ZNF696: variants seen among roughly 807,000 people sequenced by gnomAD.
ZNF696 encodes zinc finger protein 696.
In ZNF696, 10 loss-of-function variants were observed where a neutral mutation model predicts 12.3. The observed-to-expected ratio is 0.81, with a 90% CI of 0.50 to 1.38. The LOEUF is 1.38. Ranked by LOEUF, ZNF696 falls within the 40% of genes most tolerant of loss-of-function variation. ZNF696 has a pLI of 0.00. For synonymous variants in ZNF696, 304 were observed against 243.9 expected, an observed-to-expected ratio of 1.25 and a Z score of -2.29; for missense variants, 675 against 554.7, an observed-to-expected ratio of 1.22 and a Z score of -2.18.
chr8:143,296,518 C>G lies in ZNF696; in HGVS notation c.843C>G (p.Leu281=). Residue 281 remains leucine, a synonymous_variant, in exon 3 of 3, where the codon CTC becomes CTG. Coordinates refer to ENST00000330143, the MANE Select transcript of ZNF696 (RefSeq NM_030895.3). ...CCTTCAGCCAGAGCTCCAACCTCCTCCAGCACCAGCGCGTGCACACGGGGG... is the reference window on the plus strand; with the variant it reads ...CCTTCAGCCAGAGCTCCAACCTCCTGCAGCACCAGCGCGTGCACACGGGGG... ...GQAFSQSSNL[L]QHQRVHTGER... The G allele has an allele frequency of 6.2e-7, 1 of 1,607,346 alleles. No homozygotes were observed. The highest frequency in any genetic ancestry group is 8.5e-7 in the Non-Finnish European group (1 of 1,179,202).
chr8:143,296,722 C>A lies in ZNF696; in HGVS notation c.1047C>A (p.Phe349Leu). ...HQRLHTGEKP[F>L]RCTECGRAFR... The stretch of plus-strand genomic sequence containing the variant: ...GACTCCACACGGGCGAGAAGCCGTT[C>A]CGCTGCACCGAGTGCGGCCGCGCCT... The change falls in exon 3 of 3, where the codon TTC (phenylalanine) becomes TTA (leucine). Residue 349 changes from phenylalanine (F) to leucine (L), a missense_variant. Physicochemically the swap from Phe to Leu is conservative, Grantham distance 22 (BLOSUM62 0). Coordinates refer to ENST00000330143, the MANE Select transcript of ZNF696 (RefSeq NM_030895.3). The A allele has an allele frequency of 6.5e-7, 1 of 1,539,642 alleles. No homozygotes were observed. The highest frequency in any genetic ancestry group is 1.2e-5 in the South Asian group (1 of 82,920).
At position 143,298,358 on chromosome 8, in the gene ZNF696, G is replaced by T. The variant is rs56730466; in HGVS notation, c.*1558G>T. ...CAGGGGTGGTCTCAGAATGGATTTG[G>T]TGGCCCCACCGTTAATTAAGCTCCT... On this transcript the variant is annotated 3_prime_UTR_variant, in exon 3 of 3. Coordinates refer to ENST00000330143, the MANE Select transcript of ZNF696 (RefSeq NM_030895.3). Among the ~76,000 whole-genome samples the T allele has an allele frequency of 0.015, 2,359 of 152,238 alleles. 70 individuals are homozygous for T. The highest frequency in any genetic ancestry group is 0.053 in the African/African-American group (2,187 of 41,512).
rs1413968388 is a variant in ZNF696 at position 143,293,014 on chromosome 8, G to A, written c.13G>A (p.Gly5Arg). Residue 5 changes from glycine to arginine, a missense_variant, in exon 2 of 3, where the codon GGA becomes AGA. Transcript: ENST00000330143. The stretch of plus-strand genomic sequence containing the variant: ...GGTGTTCTGCAAGATGGAGCCAGGA[G>A]GAGAGCCCACAGGTGCTAAAGAGAG... The part of the protein sequence containing the change: MEPG[G>R]EPTGAKESST... The A allele has an allele frequency of 7.4e-6, 12 of 1,613,932 alleles. No individual in the cohort carries two copies. The highest frequency in any genetic ancestry group is 9.3e-6 in the Non-Finnish European group (11 of 1,180,022).
rs1326428550 is a variant in ZNF696 at position 143,298,560 on chromosome 8, G to C, written c.*1760G>C. On this transcript the variant is annotated 3_prime_UTR_variant, in exon 3 of 3. Coordinates refer to ENST00000330143, the MANE Select transcript of ZNF696 (RefSeq NM_030895.3). ...CTTGCAAAGATCCCCAAGCACACAA[G>C]GAGAGTCAGCTGACTGAGGGCCAAC... is the stretch of plus-strand genomic sequence containing the variant. Among the ~76,000 whole-genome samples, 1 of 152,108 alleles carries C rather than the reference G, an allele frequency of 6.6e-6. No homozygotes were observed. The highest frequency in any genetic ancestry group is 2.4e-5 in the African/African-American group (1 of 41,440).
intron 1 of ZNF696, chr8:143,292,037 A>C (rs1411454135): frequency 6.5e-6 from 1 of 153,680 alleles, no homozygotes; most frequent in African/African-American, 2.4e-5. Flanking sequence ...GGTTCACCCC[A>C]GCCTAGACCT....
In ZNF696 at chr8:143,296,415, T is replaced by A. The variant is rs766621028; in HGVS notation, c.740T>A (p.Leu247Gln). 6.3e-7 allele frequency: 1 copy of A among 1,598,440 alleles called. No individual in the cohort carries two copies. The highest frequency in any genetic ancestry group is 8.5e-7 in the Non-Finnish European group (1 of 1,175,844). ...TGCGGCGAGTGCGGGAAGCGCTTCC[T>A]GCACAGCTCGAACGTGGTCCGGCAC... ...YACGECGKRF[L>Q]HSSNVVRHRR... Residue 247 changes from leucine (L) to glutamine (Q), a missense_variant, in exon 3 of 3, where the codon CTG becomes CAG. Leu to Gln is a moderately radical substitution (Grantham distance 113, BLOSUM62 -2). Transcript: ENST00000330143.
At position 143,297,889 on chromosome 8, in the gene ZNF696, C is replaced by T. The variant is rs904172975; in HGVS notation, c.*1089C>T. On this transcript the variant is annotated 3_prime_UTR_variant, in exon 3 of 3. Coordinates refer to ENST00000330143, the MANE Select transcript of ZNF696 (RefSeq NM_030895.3). ...GCTTACACACATGTGATTTCAGAAG[C>T]GTTCTGTGGGTAGAGGAATCGTTTT... 1 of 151,982 alleles carries T rather than the reference C, an allele frequency of 6.6e-6. No homozygotes were observed. The allele number at this position is 151,982 out of a possible 1,614,324, so 9.4% of individuals were successfully genotyped here.
At position 143,296,736 on chromosome 8, in the gene ZNF696, G is replaced by A; in HGVS notation, c.1061G>A (p.Cys354Tyr). The A allele has an allele frequency of 1.3e-6, 2 of 1,510,326 alleles. No homozygotes were observed. Among genetic ancestry groups the A allele is most frequent in the Admixed American group, 2.2e-5 (1 of 45,634 alleles). 93.6% of individuals were successfully genotyped at this position (1,510,326 alleles called of 1,614,324 possible). A position where few individuals can be genotyped will look rare whatever the true frequency, so the allele number is the denominator to read the frequency against. The change falls in exon 3 of 3, where the codon TGC becomes TAC. Residue 354 changes from cysteine (C) to tyrosine (Y), a missense_variant. Transcript: ENST00000330143. ...TGEKPFRCTE[C>Y]GRAFRLSFHL... The stretch of plus-strand genomic sequence containing the variant: ...GAGAAGCCGTTCCGCTGCACCGAGT[G>A]CGGCCGCGCCTTCCGCCTGAGCTTC...
chr8:143,294,973 C>G (rs79170851), intron 2 of ZNF696, among the ~76,000 whole-genome samples: 4 of 152,054 alleles, frequency 2.6e-5, no homozygotes, highest in African/African-American at 9.7e-5. Context: ...CCTGGAGGTG[C>G]GCCACCTACT....
chr8:143,295,166 A>G (rs1365106399), intron 2 of ZNF696, among the ~76,000 whole-genome samples: 1 of 152,002 alleles, frequency 6.6e-6, no homozygotes, highest in African/African-American at 2.4e-5. Flanking sequence ...CTCCTGCTAC[A>G]TCTGCCTCGC....
In ZNF696 at chr8:143,296,659, C is replaced by T. The variant is rs776384920; in HGVS notation, c.984C>T (p.Arg328=). 3 of 1,575,776 alleles carry T rather than the reference C, an allele frequency of 1.9e-6. No individual in the cohort carries two copies. Among genetic ancestry groups the T allele is most frequent in the Non-Finnish European group, 2.6e-6 (3 of 1,168,972 alleles). ...CCCACCAGTGCGGCCACTGCGGGCG[C>T]GCGTTCCGGGCGCTGTCGGGCTTCT... The part of the protein sequence containing the change: ...EKPHQCGHCG[R]AFRALSGFFR... The change falls in exon 3 of 3, where the codon CGC becomes CGT. Residue 328 remains arginine, a synonymous_variant. Transcript: ENST00000330143.
rs1413579393 is a variant in ZNF696 at position 143,297,794 on chromosome 8, G to A, written c.*994G>A. Reference sequence around the variant, plus strand: ...GCTCCGGGCAATTGGTGACAGAATCGAGTTAAATTGTAGGACATCGCGTTG... The same window carrying A: ...GCTCCGGGCAATTGGTGACAGAATCAAGTTAAATTGTAGGACATCGCGTTG... On this transcript the variant is annotated 3_prime_UTR_variant, in exon 3 of 3. Transcript: ENST00000330143. The A allele has an allele frequency of 6.6e-6, 1 of 152,178 alleles. No individual in the cohort carries two copies. Among genetic ancestry groups the A allele is most frequent in the African/African-American group, 2.4e-5 (1 of 41,424 alleles). 9.4% of individuals were successfully genotyped at this position (152,178 alleles called of 1,614,324 possible).
At chr8:143,295,659 G>C in intron 2 of ZNF696, 81 bp from the exon 3 acceptor site, 1 of 1,405,924 alleles carries the variant, frequency 7.1e-7, no homozygotes. Context: ...CTGTCACTCT[G>C]TCGTCACCAC....
Position 143,296,633 on chromosome 8 carries a change from C to A in ZNF696, c.958C>A (p.Pro320Thr), listed in dbSNP as rs918221989. 2 of 1,585,322 alleles carry A rather than the reference C, an allele frequency of 1.3e-6. No homozygotes were observed. Among genetic ancestry groups the A allele is most frequent in the African/African-American group, 1.3e-5 (1 of 74,216 alleles). Residue 320 changes from proline (P) to threonine (T), a missense_variant, in exon 3 of 3, where the codon CCC becomes ACC. By Grantham distance (38) the Pro-to-Thr change is conservative. Coordinates refer to ENST00000330143, the MANE Select transcript of ZNF696 (RefSeq NM_030895.3). ...CCGCCGCATCCACACCGGGGAGAAG[C>A]CCCACCAGTGCGGCCACTGCGGGCG... ...EHRRIHTGEK[P>T]HQCGHCGRAF...
chr8:143,294,075 C>A (rs1815668113), intron 2 of ZNF696, among the ~76,000 whole-genome samples: 1 of 152,222 alleles, frequency 6.6e-6, no homozygotes, highest in Admixed American at 6.5e-5. Context: ...GCTGTGCTGG[C>A]CTCGTTGGCC....
In ZNF696 at chr8:143,297,293, C is replaced by G. The variant is rs1050869421; in HGVS notation, c.*493C>G. On this transcript the variant is annotated 3_prime_UTR_variant, in exon 3 of 3. Coordinates refer to ENST00000330143, the MANE Select transcript of ZNF696 (RefSeq NM_030895.3). The stretch of plus-strand genomic sequence containing the variant: ...CGTACCTTGCGGGTCGGTGGTTCAT[C>G]CATGTATTTCAACGCCTTTTCACAG... 6.4e-6 allele frequency: 1 copy of G among 156,674 alleles called. No individual in the cohort carries two copies. The highest frequency in any genetic ancestry group is 1.4e-5 in the Non-Finnish European group (1 of 71,350). 9.7% of individuals were successfully genotyped at this position (156,674 alleles called of 1,614,324 possible).
rs534732839 is a variant in ZNF696, at chr8:143,297,472, A to C, written c.*672A>C. ...AGACCATCCTGGCCAACATGGCAAA[A>C]CCCCCATCTCGACTAAAAATACAAA... On this transcript the variant is annotated 3_prime_UTR_variant, in exon 3 of 3. Coordinates refer to ENST00000330143, the MANE Select transcript of ZNF696 (RefSeq NM_030895.3). 3 of 152,190 alleles carry C rather than the reference A, an allele frequency of 2.0e-5. No individual in the cohort carries two copies. Among genetic ancestry groups the C allele is most frequent in the African/African-American group, 4.8e-5 (2 of 41,504 alleles). 9.4% of individuals were successfully genotyped at this position (152,190 alleles called of 1,614,324 possible). A position where few individuals can be genotyped will look rare whatever the true frequency, so the allele number is the denominator to read the frequency against.
chr8:143,293,968 G>A (rs1815666533), intron 2 of ZNF696, among the ~76,000 whole-genome samples: 1 of 151,536 alleles, frequency 6.6e-6, no homozygotes, highest in African/African-American at 2.4e-5. Context: ...CGTCTTATCT[G>A]CGCCCTCCAC....
intron 2 of ZNF696, 109 bp downstream of exon 2, chr8:143,293,174 C>T (rs1184723285): frequency 1.1e-6 from 1 of 937,020 alleles, no homozygotes; most frequent in South Asian, 1.5e-5. Context: ...ATACTGTGTC[C>T]TTGGGCGCAG....
Sources: gnomAD v4.1 joint callset for allele counts (sites outside exome capture counted in the v4.1 genomes callset) on GRCh38, gnomAD v4.1.1 for gene constraint, MANE v1.5 for transcripts, NCBI Gene and HGNC (gene_info 2026-07-23, HGNC 2026-07-21) for gene names.